CSMD3: variants seen among roughly 807,000 people sequenced by gnomAD.
The protein encoded by CSMD3 is CUB and Sushi multiple domains 3.
In CSMD3, 177 loss-of-function variants were observed where a neutral mutation model predicts 435.2. The observed-to-expected ratio is 0.41, with a 90% CI of 0.36 to 0.46. CSMD3 has a LOEUF of 0.46. Ranked by LOEUF, CSMD3 falls within the 20% of genes least tolerant of loss-of-function variation. CSMD3 has a pLI of 0.34. For missense variants in CSMD3, 4,265 were observed against 4,504.6 expected (o/e 0.95, Z 1.52); for synonymous variants, 1,656 against 1,520.5 (o/e 1.09, Z -2.07).
chr8:112,391,691 C>CAAAAAAAAA (rs34187208), intron 35 of CSMD3, among the ~76,000 whole-genome samples: 1 of 141,536 alleles, frequency 7.1e-6, no homozygotes. Flanking sequence ...GACTCCATCT[C>CAAAAAAAAA]AAAAAAAAAA....
At chr8:112,591,255 A>G (rs1372908819) in intron 22 of CSMD3, among the ~76,000 whole-genome samples, 1 of 152,124 alleles carries the variant, frequency 6.6e-6, no homozygotes. Flanking sequence ...TCTTTGCTGA[A>G]TATGAAAATA....
chr8:112,489,621 C>A (rs924037079), intron 31 of CSMD3, among the ~76,000 whole-genome samples: 7 of 152,078 alleles, frequency 4.6e-5, no homozygotes, highest in Non-Finnish European at 8.8e-5. Context: ...AACAACCTTG[C>A]AAATTACACA....
chr8:112,259,690 A>G (rs1816196275), intron 61 of CSMD3, among the ~76,000 whole-genome samples: 2 of 152,228 alleles, frequency 1.3e-5, no homozygotes, highest in Non-Finnish European at 2.9e-5. Context: ...TTAAATTTTC[A>G]CTATCTCTTG....
At chr8:113,046,678 A>C (rs1206192574) in intron 5 of CSMD3, among the ~76,000 whole-genome samples, 4 of 152,324 alleles carry the variant, frequency 2.6e-5, no homozygotes, top group African/African-American at 9.6e-5. Flanking sequence ...GGCCGGCGTC[A>C]AAGAGCTCTC....
At chr8:113,144,436 C>G (rs2091624067) in intron 4 of CSMD3, among the ~76,000 whole-genome samples, 1 of 151,466 alleles carries the variant, frequency 6.6e-6, no homozygotes, top group African/African-American at 2.4e-5. Context: ...TCATTTGGAA[C>G]TAGAATTTTG....
chr8:112,281,451 GC>G, intron 58 of CSMD3, 101 bp from the exon 59 acceptor site: 1 of 958,920 alleles, frequency 1.0e-6, no homozygotes, highest in Non-Finnish European at 1.6e-6. Flanking sequence ...ATTCAAAGAA[GC>G]AATAAAAACT....
At chr8:112,928,473 T>C (rs893089905) in intron 9 of CSMD3, among the ~76,000 whole-genome samples, 11 of 152,310 alleles carry the variant, frequency 7.2e-5, no homozygotes, top group Admixed American at 4.6e-4. Context: ...GATTGTGATG[T>C]TCCCCTTCCT....
At chr8:112,386,137 T>C (rs1829928660) in intron 36 of CSMD3, among the ~76,000 whole-genome samples, 1 of 152,146 alleles carries the variant, frequency 6.6e-6, no homozygotes, top group Non-Finnish European at 1.5e-5. Context: ...ATGCTGTCAT[T>C]CCTGAGACCC....
intron 10 of CSMD3, among the ~76,000 whole-genome samples, chr8:112,894,044 TA>T (rs1472879335): frequency 6.6e-6 from 1 of 151,510 alleles, no homozygotes; most frequent in Admixed American, 6.6e-5. Flanking sequence ...GTCTAAATCC[TA>T]AAAACCAAAC....
At position 112,444,694 on chromosome 8, in the gene CSMD3, C is replaced by G. The variant is rs572306726; in HGVS notation, c.5395+27897G>C. ...GCAGAATAAAATCACAACTGTGCTT[C>G]CCAAGGAATAGAAGGGAGAGTTGGG... On this transcript the variant is annotated intron_variant, in intron 32 of 70. Coordinates refer to ENST00000297405, the MANE Select transcript of CSMD3 (RefSeq NM_198123.2). Among the ~76,000 whole-genome samples the G allele has an allele frequency of 3.0e-4, 45 of 152,214 alleles. No homozygotes were observed. The South Asian group carries it at 5.6e-3, about 19-fold the overall frequency.
intron 7 of CSMD3, among the ~76,000 whole-genome samples, chr8:112,969,303 A>T (rs2084550677): frequency 6.6e-6 from 1 of 152,056 alleles, no homozygotes; most frequent in Non-Finnish European, 1.5e-5. Context: ...TTGGATTAAA[A>T]TTGCTCACCT....
At chr8:113,168,820 G>C (rs1282637089) in intron 4 of CSMD3, among the ~76,000 whole-genome samples, 1 of 151,750 alleles carries the variant, frequency 6.6e-6, no homozygotes, top group Non-Finnish European at 1.5e-5. Context: ...TCATATTTCT[G>C]ATATCACATT....
chr8:112,682,354 C>CTTA, intron 16 of CSMD3, 88 bp downstream of exon 16: 1 of 920,428 alleles, frequency 1.1e-6, no homozygotes, highest in Non-Finnish European at 1.8e-6. Flanking sequence ...ATGATTATGA[C>CTTA]AGTCCTGGTA....
At chr8:113,193,530 C>A (rs1275014903) in intron 3 of CSMD3, among the ~76,000 whole-genome samples, 4 of 151,406 alleles carry the variant, frequency 2.6e-5, no homozygotes, top group African/African-American at 9.7e-5. Flanking sequence ...CATCTGATTA[C>A]CAGCTTCCAA....
At chr8:113,391,448 C>T (rs536250925) in intron 1 of CSMD3, among the ~76,000 whole-genome samples, 11 of 151,960 alleles carry the variant, frequency 7.2e-5, no homozygotes, top group East Asian at 5.8e-4. Flanking sequence ...AACAAAGTTC[C>T]GTGGGTTTAG....
chr8:112,650,085 TA>T (rs2131630835), intron 19 of CSMD3, 75 bp downstream of exon 19: 2 of 1,041,142 alleles, frequency 1.9e-6, no homozygotes, highest in Non-Finnish European at 3.0e-6. Context: ...ATAATTATGT[TA>T]AACCCCATAT....
chr8:112,229,145 G>A (rs577072436), intron 69 of CSMD3, among the ~76,000 whole-genome samples: 1 of 152,252 alleles, frequency 6.6e-6, no homozygotes, highest in East Asian at 1.9e-4. Context: ...ATACAATAGT[G>A]GGAAGACATA....
intron 4 of CSMD3, among the ~76,000 whole-genome samples, chr8:113,112,102 A>T (rs1238624924): frequency 6.6e-6 from 1 of 152,066 alleles, no homozygotes; most frequent in Non-Finnish European, 1.5e-5. Context: ...GTCTTATAAA[A>T]TGAAATGATA....
chr8:112,370,029 A>AGAGGAAGAG lies in CSMD3; in HGVS notation c.6136+10322_6136+10323insCTCTTCCTC, dbSNP rs1160457546. On this transcript the variant is annotated intron_variant, in intron 38 of 70. Transcript: ENST00000297405. ...AGGAAGAGGAAGAAGAAGAGGAAGA[A>AGAGGAAGAG]GAAGAAGAAGAAGAAGAAGAAGAAG... Among the ~76,000 whole-genome samples, 70 of 62,622 alleles carry AGAGGAAGAG rather than the reference A, an allele frequency of 1.1e-3. 1 individual carries two copies. The highest frequency in any genetic ancestry group is 1.4e-3 in the Non-Finnish European group (35 of 25,158). The allele number at this position is 62,622 out of a possible 152,430, so 41.1% of individuals were successfully genotyped here. A position where few individuals can be genotyped will look rare whatever the true frequency, so the allele number is the denominator to read the frequency against.
Sources: gnomAD v4.1 joint callset for allele counts (sites outside exome capture counted in the v4.1 genomes callset) on GRCh38, gnomAD v4.1.1 for gene constraint, MANE v1.5 for transcripts, NCBI Gene and HGNC (gene_info 2026-07-23, HGNC 2026-07-21) for gene names.